Variants in PRR16 observed in about 807,000 individuals in gnomAD.
The protein encoded by PRR16 is proline rich 16, also known as protein Largen.
In PRR16, 6 loss-of-function variants were observed where a neutral mutation model predicts 18.2. That is an observed-to-expected ratio of 0.33 (90% confidence interval 0.18 to 0.65). The LOEUF is 0.65. Among genes scored for constraint, PRR16 ranks in the 30% least tolerant of loss-of-function variants. The probability of loss-of-function intolerance (pLI) is 0.74; values close to 1 mark genes in which losing one functional copy is unlikely to be tolerated. For synonymous variants in PRR16, 151 were observed against 147.8 expected (o/e 1.02, Z -0.16); for missense variants, 412 against 376.6 (o/e 1.09, Z -0.78).
chr5:120,716,335 T>G, the PRR16 span, among the ~76,000 whole-genome samples: 6 of 152,172 alleles, frequency 3.9e-5, no homozygotes, highest in Non-Finnish European at 7.3e-5. Context: ...CCTCTTTTGT[T>G]TTTAACTCTT....
At chr5:120,513,378 G>A (rs1056959950) in intron 1 of PRR16, among the ~76,000 whole-genome samples, 2 of 152,052 alleles carry the variant, frequency 1.3e-5, no homozygotes, top group African/African-American at 4.8e-5. Context: ...TGATGAAGAC[G>A]GACTTCTCCT....
At chr5:120,655,206 T>C (rs1755924793) in intron 1 of PRR16, among the ~76,000 whole-genome samples, 1 of 151,876 alleles carries the variant, frequency 6.6e-6, no homozygotes. Flanking sequence ...TGATAAATAT[T>C]TAATAATACA....
At chr5:120,715,033 T>A in the PRR16 span, among the ~76,000 whole-genome samples, 3 of 151,740 alleles carry the variant, frequency 2.0e-5, no homozygotes, top group African/African-American at 7.3e-5. Context: ...GGTCAATAGG[T>A]GCAGCAAACC....
At chr5:120,516,644 T>C (rs1751006740) in intron 1 of PRR16, among the ~76,000 whole-genome samples, 1 of 152,098 alleles carries the variant, frequency 6.6e-6, no homozygotes, top group Admixed American at 6.6e-5. Context: ...ATATATTTTT[T>C]CTTTAAAAAC....
At chr5:120,485,861 C>T (rs918814428) in intron 1 of PRR16, among the ~76,000 whole-genome samples, 2 of 152,126 alleles carry the variant, frequency 1.3e-5, no homozygotes, top group Non-Finnish European at 2.9e-5. Flanking sequence ...CATGTGTTCT[C>T]ATTGTTCAAT....
intron 1 of PRR16, among the ~76,000 whole-genome samples, chr5:120,575,764 C>G (rs991081751): frequency 6.6e-6 from 1 of 152,148 alleles, no homozygotes; most frequent in African/African-American, 2.4e-5. Flanking sequence ...ACTTTTACCA[C>G]TTTTATTCAA....
intron 1 of PRR16, among the ~76,000 whole-genome samples, chr5:120,496,577 T>G (rs1406640346): frequency 6.6e-6 from 1 of 152,192 alleles, no homozygotes; most frequent in East Asian, 1.9e-4. Context: ...ATAGTATTGG[T>G]AATTTGTATC....
the PRR16 span, among the ~76,000 whole-genome samples, chr5:120,753,954 TTATA>T: frequency 8.4e-6 from 1 of 119,304 alleles, no homozygotes; most frequent in Non-Finnish European, 1.7e-5. Context: ...ATGTTATATA[TTATA>T]TATAATATAT....
At chr5:120,568,267 C>T (rs548597478) in intron 1 of PRR16, among the ~76,000 whole-genome samples, 41 of 152,232 alleles carry the variant, frequency 2.7e-4, no homozygotes, top group African/African-American at 9.4e-4. Flanking sequence ...CAGTCCCACT[C>T]AGGGACATTG....
intron 1 of PRR16, among the ~76,000 whole-genome samples, chr5:120,493,640 A>C (rs1750142621): frequency 6.6e-6 from 1 of 152,144 alleles, no homozygotes; most frequent in Admixed American, 6.6e-5. Context: ...CACCATTGCC[A>C]CAAGGATCTC....
At chr5:120,767,909 T>C in the PRR16 span, among the ~76,000 whole-genome samples, 19 of 151,850 alleles carry the variant, frequency 1.3e-4, no homozygotes, top group Admixed American at 2.0e-4. Flanking sequence ...ACTTTTATGA[T>C]ATATCAATTA....
At chr5:120,474,350 A>G (rs1271011514) in intron 1 of PRR16, among the ~76,000 whole-genome samples, 2 of 152,164 alleles carry the variant, frequency 1.3e-5, no homozygotes, top group African/African-American at 2.4e-5. Context: ...AGATGCCAGT[A>G]GCAACCAAAA....
At chr5:120,789,440 T>A in the PRR16 span, among the ~76,000 whole-genome samples, 2 of 152,244 alleles carry the variant, frequency 1.3e-5, no homozygotes, top group African/African-American at 4.8e-5. Flanking sequence ...GGAAGATTAA[T>A]TATATGGCTA....
At chr5:120,464,744 T>C in intron 1 of PRR16, 99 bp downstream of exon 1, 1 of 1,322,652 alleles carries the variant, frequency 7.6e-7, no homozygotes, top group Non-Finnish European at 1.0e-6. Flanking sequence ...TCCAAACTCC[T>C]GGGAAACTAC....
chr5:120,767,212 A>G, the PRR16 span, among the ~76,000 whole-genome samples: 1 of 151,928 alleles, frequency 6.6e-6, no homozygotes, highest in African/African-American at 2.4e-5. Context: ...CATCTTTAAG[A>G]GCTGTTAATA....
intron 1 of PRR16, among the ~76,000 whole-genome samples, chr5:120,546,926 G>A (rs1752091612): frequency 1.3e-5 from 2 of 152,016 alleles, no homozygotes; most frequent in Non-Finnish European, 2.9e-5. Flanking sequence ...ATGGGCTATC[G>A]GCTAGTTATA....
intron 1 of PRR16, among the ~76,000 whole-genome samples, chr5:120,669,635 T>A (rs558996853): frequency 1.3e-5 from 2 of 152,218 alleles, no homozygotes; most frequent in East Asian, 3.9e-4. Context: ...TTCAAACTTA[T>A]AATTTTAAAT....
the PRR16 span, among the ~76,000 whole-genome samples, chr5:120,735,688 A>T: frequency 8.4e-6 from 1 of 118,834 alleles, no homozygotes; most frequent in Non-Finnish European, 1.9e-5. Context: ...GTTATTGTTG[A>T]GTTATAGTTC....
chr5:120,521,133 C>G (rs1751166110), intron 1 of PRR16, among the ~76,000 whole-genome samples: 1 of 152,056 alleles, frequency 6.6e-6, no homozygotes, highest in Non-Finnish European at 1.5e-5. Context: ...GATCTTTGTT[C>G]CTCTGCATCA....
Sources: gnomAD v4.1 joint callset for allele counts (sites outside exome capture counted in the v4.1 genomes callset) on GRCh38, gnomAD v4.1.1 for gene constraint, MANE v1.5 for transcripts, NCBI Gene and HGNC (gene_info 2026-07-23, HGNC 2026-07-21) for gene names.